The following RALYL variants were observed in gnomAD, a reference collection of about 807,000 sequenced individuals.
RALYL encodes the protein RALY RNA binding protein like, also known as RNA-binding Raly-like protein.
Under a neutral mutation model 35.1 loss-of-function variants are expected in RALYL, and 29 were observed. The ratio of observed to expected loss-of-function variants is 0.83; its 90% CI spans 0.61 to 1.13. The LOEUF (loss-of-function observed/expected upper bound fraction) is 1.13. Among genes scored for constraint, RALYL ranks in the 50% most tolerant of loss-of-function variants. The pLI is 0.00. For missense variants in RALYL, 359 were observed against 360.4 expected (o/e 1.00, Z 0.03); for synonymous variants, 120 against 127.6 (o/e 0.94, Z 0.40).
chr8:84,485,904 T>C (rs783510), intron 1 of RALYL, among the ~76,000 whole-genome samples: 145,739 of 152,092 alleles, frequency 0.96, 69,859 homozygotes, highest in East Asian at 1. Context: ...CTACTGTTGT[T>C]CTCCCACAAT....
intron 2 of RALYL, among the ~76,000 whole-genome samples, chr8:84,718,668 GGCA>G (rs1246438695): frequency 6.6e-6 from 1 of 151,912 alleles, no homozygotes; most frequent in Non-Finnish European, 1.5e-5. Context: ...AGGAGGCTGA[GGCA>G]GGAGAATCAC....
chr8:84,867,196 C>G (rs1839328263), intron 6 of RALYL, among the ~76,000 whole-genome samples: 1 of 152,144 alleles, frequency 6.6e-6, no homozygotes, highest in African/African-American at 2.4e-5. Context: ...TAAATTTCCT[C>G]TTGTTATAAG....
At chr8:84,691,103 C>T (rs1379401833) in intron 2 of RALYL, among the ~76,000 whole-genome samples, 1 of 152,026 alleles carries the variant, frequency 6.6e-6, no homozygotes, top group Non-Finnish European at 1.5e-5. Flanking sequence ...TGAAGAATTT[C>T]CACATGTCTG....
At chr8:84,370,529 A>G (rs1410290931) in intron 1 of RALYL, among the ~76,000 whole-genome samples, 1 of 151,976 alleles carries the variant, frequency 6.6e-6, no homozygotes, top group East Asian at 1.9e-4. Context: ...TAAACGGGGA[A>G]CCATATGATA....
Position 84,621,560 on chromosome 8 carries a change from C to T in RALYL, c.256+91983C>T, listed in dbSNP as rs553691407. Among the ~76,000 whole-genome samples, 403 of 151,712 alleles carry T rather than the reference C, an allele frequency of 2.7e-3. 1 individual carries two copies. Among genetic ancestry groups the T allele is most frequent in the African/African-American group, 8.8e-3 (359 of 41,018 alleles). On this transcript the variant is annotated intron_variant, in intron 2 of 8. Coordinates refer to ENST00000521268, the MANE Select transcript of RALYL (RefSeq NM_173848.7). ...AAATGCAGAAATCACCTGTCTTCGGCGTCGCTCACGCTGGGAGCTGTAGAC... is the reference window on the plus strand; with the variant it reads ...AAATGCAGAAATCACCTGTCTTCGGTGTCGCTCACGCTGGGAGCTGTAGAC...
At chr8:84,428,523 A>G (rs574810140) in intron 1 of RALYL, among the ~76,000 whole-genome samples, 136 of 152,316 alleles carry the variant, frequency 8.9e-4, no homozygotes, top group African/African-American at 3.2e-3. Context: ...CTTGATGTAA[A>G]TGGATGTAGT....
chr8:84,496,955 A>C (rs564345986), intron 1 of RALYL, among the ~76,000 whole-genome samples: 187 of 152,304 alleles, frequency 1.2e-3, no homozygotes, highest in African/African-American at 4.1e-3. Context: ...GGAATTTCTA[A>C]AGAAGCTAAA....
intron 1 of RALYL, among the ~76,000 whole-genome samples, chr8:84,266,591 C>T (rs1396809268): frequency 1.3e-5 from 2 of 152,136 alleles, no homozygotes; most frequent in Non-Finnish European, 2.9e-5. Context: ...GTGTTTTGAC[C>T]CTTTGTTTTT....
chr8:84,777,681 G>A (rs532128589), intron 3 of RALYL, among the ~76,000 whole-genome samples: 3 of 152,138 alleles, frequency 2.0e-5, no homozygotes, highest in South Asian at 4.2e-4. Context: ...TCAATCGGTC[G>A]CTCAGGCTGG....
At chr8:84,306,075 A>G (rs1417031330) in intron 1 of RALYL, among the ~76,000 whole-genome samples, 3 of 151,784 alleles carry the variant, frequency 2.0e-5, no homozygotes, top group African/African-American at 7.3e-5. Flanking sequence ...GAGGCAGGAG[A>G]ATGGCGTGAA....
At chr8:84,755,482 T>C (rs1811164634) in intron 2 of RALYL, among the ~76,000 whole-genome samples, 1 of 152,182 alleles carries the variant, frequency 6.6e-6, no homozygotes, top group South Asian at 2.1e-4. Flanking sequence ...ACAAACTCTA[T>C]AACCATAAAT....
intron 1 of RALYL, among the ~76,000 whole-genome samples, chr8:84,308,899 G>A (rs570515348): frequency 1.3e-5 from 2 of 151,718 alleles, no homozygotes; most frequent in Admixed American, 6.6e-5. Context: ...AAAAACATGG[G>A]CAAAGATATA....
intron 1 of RALYL, among the ~76,000 whole-genome samples, chr8:84,184,660 C>T (rs1286155060): frequency 6.6e-6 from 1 of 152,010 alleles, no homozygotes; most frequent in African/African-American, 2.4e-5. Context: ...TCCCCCCACC[C>T]CTCCCACGGT....
At chr8:84,302,061 C>T (rs895318254) in intron 1 of RALYL, among the ~76,000 whole-genome samples, 4 of 152,060 alleles carry the variant, frequency 2.6e-5, no homozygotes, top group African/African-American at 9.7e-5. Context: ...GGAGTATTAA[C>T]CAATGCAATA....
rs778605346 is a variant in RALYL at position 84,560,027 on chromosome 8, C to CA, written c.256+30455dup. 1.3e-4 allele frequency among the ~76,000 whole-genome samples: 20 copies of CA among 149,130 alleles called. 1 individual carries two copies. In the South Asian group the frequency reaches 1.7e-3, roughly 13 times the overall value. On this transcript the variant is annotated intron_variant, in intron 2 of 8. Transcript: ENST00000521268. ...GGATGCTAACTCTGCCTAACCTAAA[C>CA]AAAAATGAACGTATTGGAAGACTAT...
intron 3 of RALYL, among the ~76,000 whole-genome samples, chr8:84,798,876 A>C (rs1290001898): frequency 6.6e-6 from 1 of 152,246 alleles, no homozygotes; most frequent in African/African-American, 2.4e-5. Context: ...CAGGGGAAAA[A>C]GCAAGATGCC....
intron 2 of RALYL, among the ~76,000 whole-genome samples, chr8:84,617,780 T>C (rs1363920613): frequency 6.6e-6 from 1 of 151,460 alleles, no homozygotes; most frequent in Non-Finnish European, 1.5e-5. Context: ...AATACCTAAT[T>C]TATTGAGAGT....
intron 1 of RALYL, among the ~76,000 whole-genome samples, chr8:84,474,199 TAA>T (rs1425840946): frequency 1.3e-5 from 2 of 152,228 alleles, no homozygotes; most frequent in East Asian, 1.9e-4. Context: ...AGTAATGAAA[TAA>T]AGTGTTGACT....
At chr8:84,679,436 A>T in intron 2 of RALYL, 1 of 285,084 alleles carries the variant, frequency 3.5e-6, no homozygotes, top group Non-Finnish European at 7.0e-6. Flanking sequence ...TTGGTCCACT[A>T]GGTGCAAGAC....
Sources: gnomAD v4.1 joint callset for allele counts (sites outside exome capture counted in the v4.1 genomes callset) on GRCh38, gnomAD v4.1.1 for gene constraint, MANE v1.5 for transcripts, NCBI Gene and HGNC (gene_info 2026-07-23, HGNC 2026-07-21) for gene names.